The following AFF3 variants were observed in gnomAD, a reference collection of about 807,000 sequenced individuals.
The protein encoded by AFF3 is ALF transcription elongation factor 3.
In AFF3, 32 loss-of-function variants were observed where a neutral mutation model predicts 129.7. The observed-to-expected ratio is 0.25, with a 90% confidence interval of 0.19 to 0.33. The LOEUF (loss-of-function observed/expected upper bound fraction) is 0.33, where lower values mean the gene tolerates loss of function less well. Ranked by LOEUF, AFF3 falls within the 10% of genes least tolerant of loss-of-function variation. The pLI is 1.00. For synonymous variants in AFF3, 644 were observed against 635.4 expected (o/e 1.01, Z -0.20); for missense variants, 1,373 against 1,592.0 (o/e 0.86, Z 2.34).
chr2:99,640,433 A>G (rs1684085952), intron 13 of AFF3, among the ~76,000 whole-genome samples: 1 of 152,132 alleles, frequency 6.6e-6, no homozygotes, highest in African/African-American at 2.4e-5. Context: ...TAATCTGTAC[A>G]TAAACCTAAC....
intron 10 of AFF3, 44 bp downstream of exon 10, chr2:99,744,060 C>G (rs1423843136): frequency 6.4e-7 from 1 of 1,551,398 alleles, no homozygotes; most frequent in Non-Finnish European, 8.8e-7. Context: ...TCTGCCCCCA[C>G]CCCCTGCTCC....
At chr2:99,930,793 TC>T (rs1696617199) in intron 7 of AFF3, among the ~76,000 whole-genome samples, 2 of 152,208 alleles carry the variant, frequency 1.3e-5, no homozygotes, top group Non-Finnish European at 2.9e-5. Flanking sequence ...AGAGAGCTAG[TC>T]CCCAAACACA....
chr2:99,885,110 T>A (rs1191874387), intron 7 of AFF3, among the ~76,000 whole-genome samples: 2 of 152,188 alleles, frequency 1.3e-5, no homozygotes, highest in African/African-American at 4.8e-5. Context: ...TCTATAGTCC[T>A]CAGAGCCAAA....
At chr2:99,874,523 A>T (rs868000963) in intron 7 of AFF3, among the ~76,000 whole-genome samples, 18 of 152,324 alleles carry the variant, frequency 1.2e-4, no homozygotes, top group African/African-American at 3.8e-4. Context: ...GTTTTTTCCT[A>T]ATGATACTAG....
chr2:99,941,362 C>T (rs1226915808), intron 7 of AFF3, among the ~76,000 whole-genome samples: 1 of 152,156 alleles, frequency 6.6e-6, no homozygotes, highest in Non-Finnish European at 1.5e-5. Flanking sequence ...GCCTCGTGGG[C>T]AGTTTAATGA....
chr2:99,789,594 C>G (rs925933654), intron 8 of AFF3, among the ~76,000 whole-genome samples: 3 of 152,140 alleles, frequency 2.0e-5, no homozygotes, highest in Admixed American at 1.3e-4. Flanking sequence ...CTCTCTGCAT[C>G]CCCCCTGGGA....
chr2:99,993,526 AAAAACTAAAGAT>A (rs1483530577), intron 7 of AFF3, among the ~76,000 whole-genome samples: 4 of 151,920 alleles, frequency 2.6e-5, no homozygotes, highest in Non-Finnish European at 4.4e-5. Flanking sequence ...TTAGAAAACT[AAAAACTAAAGAT>A]AAAACTAATA....
At chr2:100,010,213 T>C (rs987556228) in intron 4 of AFF3, among the ~76,000 whole-genome samples, 1 of 152,156 alleles carries the variant, frequency 6.6e-6, no homozygotes, top group South Asian at 2.1e-4. Flanking sequence ...TAATAAAATA[T>C]TGTTAATAAT....
At chr2:99,825,330 C>G (rs1687995694) in intron 8 of AFF3, among the ~76,000 whole-genome samples, 1 of 152,074 alleles carries the variant, frequency 6.6e-6, no homozygotes, top group Non-Finnish European at 1.5e-5. Context: ...TGATCATTTT[C>G]TACCTTAGAA....
At chr2:99,892,930 T>C (rs971370588) in intron 7 of AFF3, among the ~76,000 whole-genome samples, 2 of 152,150 alleles carry the variant, frequency 1.3e-5, no homozygotes, top group African/African-American at 4.8e-5. Context: ...CAACTCTGGG[T>C]CCTTCCATCC....
At chr2:100,077,322 G>A (rs1450348507) in intron 4 of AFF3, among the ~76,000 whole-genome samples, 2 of 152,152 alleles carry the variant, frequency 1.3e-5, no homozygotes, top group African/African-American at 2.4e-5. Context: ...GCCCTTCTAA[G>A]CAAAAGAAGG....
chr2:99,834,660 C>CT (rs1688734955), intron 8 of AFF3, among the ~76,000 whole-genome samples: 1 of 152,202 alleles, frequency 6.6e-6, no homozygotes, highest in East Asian at 1.9e-4. Flanking sequence ...AGATCCTCAT[C>CT]TTTCTCGTCC....
At chr2:99,824,718 G>T (rs1010775865) in intron 8 of AFF3, among the ~76,000 whole-genome samples, 1 of 152,200 alleles carries the variant, frequency 6.6e-6, no homozygotes, top group Admixed American at 6.5e-5. Flanking sequence ...ACATGAAGAG[G>T]TCCACCTACC....
chr2:99,906,844 TAC>T lies in AFF3; in HGVS notation c.874-69322_874-69321del, dbSNP rs56113249. ...AATCAATCAACCTACCTATCCATAT[TAC>T]ACACACACACACACACACACACACA... On this transcript the variant is annotated intron_variant, in intron 7 of 24. Coordinates refer to ENST00000672756, the MANE Select transcript of AFF3 (RefSeq NM_001386135.1). Among the ~76,000 whole-genome samples the T allele has an allele frequency of 6.0e-3, 871 of 145,768 alleles. 2 individuals are homozygous for T. The highest frequency in any genetic ancestry group is 0.014 in the Middle Eastern group (4 of 286).
intron 7 of AFF3, among the ~76,000 whole-genome samples, chr2:99,929,411 C>T (rs1696512709): frequency 6.6e-6 from 1 of 152,142 alleles, no homozygotes; most frequent in Admixed American, 6.5e-5. Context: ...AATCAAAATT[C>T]ATAAAATTAA....
At chr2:99,616,156 G>A (rs1376589365) in intron 13 of AFF3, among the ~76,000 whole-genome samples, 1 of 152,194 alleles carries the variant, frequency 6.6e-6, no homozygotes, top group East Asian at 1.9e-4. Context: ...AGCAATGGGA[G>A]CGTTTTAAGG....
intron 10 of AFF3, among the ~76,000 whole-genome samples, chr2:99,732,792 A>T (rs938232435): frequency 2.6e-5 from 4 of 152,182 alleles, no homozygotes; most frequent in African/African-American, 9.7e-5. Flanking sequence ...TGATTTCCAA[A>T]TTAACACTCC....
chr2:99,756,000 T>C (rs1682066367), intron 8 of AFF3, among the ~76,000 whole-genome samples: 1 of 152,200 alleles, frequency 6.6e-6, no homozygotes, highest in South Asian at 2.1e-4. Flanking sequence ...TTGGGCTCCT[T>C]AGGAAAGGTA....
chr2:99,820,320 G>A (rs751223433), intron 8 of AFF3, among the ~76,000 whole-genome samples: 9 of 152,100 alleles, frequency 5.9e-5, no homozygotes, highest in Non-Finnish European at 8.8e-5. Flanking sequence ...TGCAACACAC[G>A]GGTAAGTATG....
Sources: gnomAD v4.1 joint callset for allele counts (sites outside exome capture counted in the v4.1 genomes callset) on GRCh38, gnomAD v4.1.1 for gene constraint, MANE v1.5 for transcripts, NCBI Gene and HGNC (gene_info 2026-07-23, HGNC 2026-07-21) for gene names.